ELAVL1: variants seen among roughly 807,000 people sequenced by gnomAD.
ELAVL1 encodes ELAV-like protein 1.
Under a neutral mutation model 28.4 loss-of-function variants are expected in ELAVL1, and 1 was observed. That is an observed-to-expected ratio of 0.04 (90% CI 0.01 to 0.17). The LOEUF is 0.17. ELAVL1 is among the 10% of genes least tolerant of loss of function. The pLI, the probability that ELAVL1 is intolerant of heterozygous loss-of-function variation, is 1.00. For synonymous variants in ELAVL1, 174 were observed against 183.5 expected, an observed-to-expected ratio of 0.95 and a Z score of 0.42; for missense variants, 157 against 447.2, an observed-to-expected ratio of 0.35 and a Z score of 5.85.
intron 1 of ELAVL1, among the ~76,000 whole-genome samples, chr19:7,996,345 C>A (rs2081048715): frequency 6.6e-6 from 1 of 152,026 alleles, no homozygotes; most frequent in South Asian, 2.1e-4. Context: ...CCATGCCCAG[C>A]TAATTTTTTG....
intron 2 of ELAVL1, among the ~76,000 whole-genome samples, chr19:7,983,163 A>G (rs1985508702): frequency 6.6e-6 from 1 of 152,234 alleles, no homozygotes; most frequent in African/African-American, 2.4e-5. Context: ...AACCAAAATC[A>G]GATCCTCTAG....
At chr19:7,996,608 C>T (rs1283064135) in intron 1 of ELAVL1, among the ~76,000 whole-genome samples, 3 of 151,836 alleles carry the variant, frequency 2.0e-5, no homozygotes, top group Non-Finnish European at 4.4e-5. Flanking sequence ...GAGTTTGAGA[C>T]CAGTCCGGCC....
At chr19:7,994,944 A>T (rs1008850663) in intron 1 of ELAVL1, among the ~76,000 whole-genome samples, 10 of 152,150 alleles carry the variant, frequency 6.6e-5, no homozygotes, top group African/African-American at 1.9e-4. Flanking sequence ...ACAGAGTAAG[A>T]CTCTGTCTCA....
At chr19:7,987,120 G>GGC (rs1555712408) in intron 2 of ELAVL1, among the ~76,000 whole-genome samples, 2 of 149,926 alleles carry the variant, frequency 1.3e-5, no homozygotes, top group African/African-American at 4.9e-5. Flanking sequence ...GGGTGCCGGG[G>GGC]GGGGGGGAGG....
chr19:7,964,785 C>T (rs1242419618), intron 5 of ELAVL1, among the ~76,000 whole-genome samples: 1 of 152,208 alleles, frequency 6.6e-6, no homozygotes, highest in African/African-American at 2.4e-5. Flanking sequence ...AAAACAGTTC[C>T]TAAAGCTATG....
intron 2 of ELAVL1, among the ~76,000 whole-genome samples, chr19:7,988,916 A>C (rs1290570459): frequency 6.6e-6 from 1 of 152,116 alleles, no homozygotes; most frequent in Non-Finnish European, 1.5e-5. Flanking sequence ...AAGGGAAGGG[A>C]GGATCGGGGC....
chr19:8,001,013 G>A (rs961205544), intron 1 of ELAVL1, among the ~76,000 whole-genome samples: 2 of 152,362 alleles, frequency 1.3e-5, no homozygotes, highest in African/African-American at 2.4e-5. Context: ...TGGCAGGCCC[G>A]AGCTGGGCAC....
At chr19:7,975,632 G>A (rs1985260450) in intron 3 of ELAVL1, among the ~76,000 whole-genome samples, 1 of 152,220 alleles carries the variant, frequency 6.6e-6, no homozygotes, top group Non-Finnish European at 1.5e-5. Flanking sequence ...TTCATCCAGT[G>A]AGGGGTTCAA....
chr19:7,968,127 T>C (rs755979147), intron 4 of ELAVL1, among the ~76,000 whole-genome samples: 4 of 152,206 alleles, frequency 2.6e-5, no homozygotes, highest in South Asian at 4.1e-4. Flanking sequence ...CCGTCACTAT[T>C]TAGCTGCCAG....
intron 5 of ELAVL1, among the ~76,000 whole-genome samples, chr19:7,965,348 T>C (rs1260099777): frequency 6.6e-6 from 1 of 152,226 alleles, no homozygotes; most frequent in Non-Finnish European, 1.5e-5. Flanking sequence ...AGCGTTGGGA[T>C]TACAGGCGTG....
Position 7,981,229 on chromosome 19 carries a change from C to A in ELAVL1, c.173-43G>T. The A allele has an allele frequency of 6.2e-7, 1 of 1,600,534 alleles. No individual in the cohort carries two copies. Among genetic ancestry groups the A allele is most frequent in the Non-Finnish European group, 8.6e-7 (1 of 1,167,744 alleles). On this transcript the variant is annotated intron_variant, in intron 2 of 5. Transcript: ENST00000407627. This position sits in a 1 kb window ranked among gnomAD's most constrained non-coding sequence, Gnocchi z 4.2. The stretch of plus-strand genomic sequence containing the variant: ...AAGACATTGGTAAGCCAACCGTCTG[C>A]GAGTGAGGGACAGGGAGGTCGGGAA...
rs140364404 is a variant in ELAVL1, at chr19:7,999,600, T to C, written c.-17+5895A>G. The stretch of plus-strand genomic sequence containing the variant: ...AAAGCCAGGGTGTGTCACACAGCAG[T>C]ACAGGAGGCTGCTGGCTCTCAGACC... On this transcript the variant is annotated intron_variant, in intron 1 of 5. Transcript: ENST00000407627. Among the ~76,000 whole-genome samples the C allele has an allele frequency of 2.6e-5, 4 of 152,276 alleles. No individual in the cohort carries two copies. In the East Asian group the frequency reaches 7.7e-4, roughly 29 times the overall value.
Position 7,963,567 on chromosome 19 carries a change from C to T in ELAVL1, c.897G>A (p.Ala299=), listed in dbSNP as rs780749922. 7 of 1,614,130 alleles carry T rather than the reference C, an allele frequency of 4.3e-6. No individual in the cohort carries two copies. Among genetic ancestry groups the T allele is most frequent in the Admixed American group, 1.7e-5 (1 of 60,010 alleles). The change falls in exon 6 of 6, where the codon GCG becomes GCA. Residue 299 remains alanine (A), a synonymous_variant. Transcript: ENST00000407627. This position sits in a 1 kb window ranked among gnomAD's most constrained non-coding sequence, Gnocchi z 4.5. ...AGCCGTTCAGGCTGGCTATGGCCAT[C>T]GCGGCTTCTTCATAGTTTGTCATGG... is the stretch of plus-strand genomic sequence containing the variant. ...FVTMTNYEEA[A]MAIASLNGYR...
At chr19:7,996,403 C>CG in intron 1 of ELAVL1, among the ~76,000 whole-genome samples, 4 of 151,822 alleles carry the variant, frequency 2.6e-5, no homozygotes, top group African/African-American at 9.7e-5. Context: ...GGATGGTCTC[C>CG]ATCTCCTGAC....
intron 1 of ELAVL1, among the ~76,000 whole-genome samples, chr19:7,993,702 T>C (rs995140849): frequency 2.6e-5 from 4 of 151,488 alleles, no homozygotes; most frequent in Admixed American, 6.6e-5. Context: ...TCCCTGTGGA[T>C]GGCCACCCGC....
At chr19:7,996,656 A>T (rs1050207042) in intron 1 of ELAVL1, among the ~76,000 whole-genome samples, 1 of 151,922 alleles carries the variant, frequency 6.6e-6, no homozygotes, top group Admixed American at 6.6e-5. Context: ...AATACAACAA[A>T]AAAAAAATTA....
intron 3 of ELAVL1, among the ~76,000 whole-genome samples, chr19:7,974,572 G>A (rs1179663422): frequency 1.3e-5 from 2 of 152,156 alleles, no homozygotes; most frequent in African/African-American, 2.4e-5. Context: ...TGACGGCCGT[G>A]CAGACCCCAT....
chr19:7,984,212 G>C (rs369197740), intron 2 of ELAVL1, among the ~76,000 whole-genome samples: 1 of 152,156 alleles, frequency 6.6e-6, no homozygotes, highest in Non-Finnish European at 1.5e-5. Flanking sequence ...CTATGTGTCA[G>C]GCCCTGTGCT....
chr19:7,967,025 C>CT (rs770671359), intron 5 of ELAVL1, among the ~76,000 whole-genome samples: 327 of 140,536 alleles, frequency 2.3e-3, no homozygotes, highest in Middle Eastern at 3.7e-3. Flanking sequence ...CTGGTGCTGT[C>CT]TTTTTTTTTT....
Sources: allele counts gnomAD v4.1 joint callset (sites outside exome capture counted in the v4.1 genomes callset), GRCh38; gene constraint gnomAD v4.1.1; non-coding constraint Gnocchi (gnomAD v3.1); transcripts MANE v1.5; gene names NCBI Gene and HGNC (gene_info 2026-07-23, HGNC 2026-07-21).